Variants in SYT9 observed in about 807,000 individuals in gnomAD.
SYT9 encodes the protein synaptotagmin 9.
In SYT9, 22 loss-of-function variants were observed where a neutral mutation model predicts 48.4. The observed-to-expected ratio is 0.45, with a 90% CI of 0.32 to 0.65. The LOEUF (loss-of-function observed/expected upper bound fraction) is 0.65, where lower values mean the gene tolerates loss of function less well. Among genes scored for constraint, SYT9 ranks in the 30% least tolerant of loss-of-function variants. The pLI is 0.03. For synonymous variants in SYT9, 265 were observed against 245.0 expected (o/e 1.08, Z -0.76); for missense variants, 577 against 622.0 (o/e 0.93, Z 0.77).
intron 1 of SYT9, among the ~76,000 whole-genome samples, chr11:7,240,194 C>G (rs1003342331): frequency 7.9e-5 from 12 of 152,256 alleles, no homozygotes; most frequent in African/African-American, 2.9e-4. Flanking sequence ...AAGTGGTGAG[C>G]TGTTGTCCAG....
At chr11:7,367,080 T>TC in intron 3 of SYT9, among the ~76,000 whole-genome samples, 1 of 88,346 alleles carries the variant, frequency 1.1e-5, no homozygotes, top group African/African-American at 3.8e-5. Context: ...ATCTTTTTTT[T>TC]TTTTTTTTTT....
chr11:7,334,763 C>T (rs990805822), intron 3 of SYT9, among the ~76,000 whole-genome samples: 1 of 135,442 alleles, frequency 7.4e-6, no homozygotes, highest in Non-Finnish European at 1.6e-5. Context: ...TTACTTCTTT[C>T]AATCAGAATA....
intron 6 of SYT9, chr11:7,435,215 T>C (rs1847678629): frequency 6.6e-6 from 1 of 152,260 alleles, no homozygotes; most frequent in Non-Finnish European, 1.5e-5. Flanking sequence ...AAAGAGTTAA[T>C]AGCAAAGGCC....
At chr11:7,368,862 A>G (rs1399658848) in intron 3 of SYT9, among the ~76,000 whole-genome samples, 1 of 151,954 alleles carries the variant, frequency 6.6e-6, no homozygotes, top group African/African-American at 2.4e-5. Context: ...AATGTGCCAC[A>G]TTTTTTTATC....
rs1465580572 is a variant in SYT9, at chr11:7,268,909, A to G, written c.145+16578A>G. On this transcript the variant is annotated intron_variant, in intron 1 of 6. Coordinates refer to ENST00000318881, the MANE Select transcript of SYT9 (RefSeq NM_175733.4). ...CTGTTAATCCCTGCCTCAGGAGACT[A>G]CTAATCTACTTTCTGTCTCTATTAA... Among the ~76,000 whole-genome samples, 4 of 152,170 alleles carry G rather than the reference A, an allele frequency of 2.6e-5. No homozygotes were observed. In the East Asian group the frequency reaches 7.7e-4, roughly 29 times the overall value.
chr11:7,299,894 G>A (rs1051394573), intron 1 of SYT9, among the ~76,000 whole-genome samples: 4 of 152,152 alleles, frequency 2.6e-5, no homozygotes, highest in Non-Finnish European at 5.9e-5. Context: ...AATTTACTTA[G>A]CATGCTATCT....
chr11:7,277,226 A>G (rs757059019), intron 1 of SYT9, among the ~76,000 whole-genome samples: 1 of 152,242 alleles, frequency 6.6e-6, no homozygotes, highest in Non-Finnish European at 1.5e-5. Flanking sequence ...AAACGTTTGA[A>G]TAAATGAAAG....
intron 3 of SYT9, among the ~76,000 whole-genome samples, chr11:7,402,858 A>G (rs1316613405): frequency 6.6e-6 from 1 of 152,236 alleles, no homozygotes; most frequent in East Asian, 1.9e-4. Flanking sequence ...TGCCTTTTCT[A>G]ATTCTAATTG....
chr11:7,411,720 G>A (rs764826037), intron 3 of SYT9, among the ~76,000 whole-genome samples: 4 of 152,128 alleles, frequency 2.6e-5, no homozygotes, highest in Non-Finnish European at 4.4e-5. Context: ...CTGTATTTGT[G>A]TGGGGTTCTC....
intron 1 of SYT9, among the ~76,000 whole-genome samples, chr11:7,276,659 A>G (rs1329511747): frequency 6.6e-6 from 1 of 151,836 alleles, no homozygotes; most frequent in African/African-American, 2.4e-5. Context: ...CTCCTGGTGG[A>G]TTCTCCCTCA....
At chr11:7,277,811 T>G (rs1338268561) in intron 1 of SYT9, among the ~76,000 whole-genome samples, 1 of 152,220 alleles carries the variant, frequency 6.6e-6, no homozygotes, top group Admixed American at 6.5e-5. Flanking sequence ...GTTGAACAAT[T>G]CTATCACAGT....
At chr11:7,364,341 A>G (rs1850202030) in intron 3 of SYT9, among the ~76,000 whole-genome samples, 1 of 152,334 alleles carries the variant, frequency 6.6e-6, no homozygotes, top group East Asian at 1.9e-4. Flanking sequence ...CTGATGATGA[A>G]TAAAGGTCAG....
chr11:7,454,295 T>A, intron 6 of SYT9: 1 of 985,374 alleles, frequency 1.0e-6, no homozygotes, highest in Non-Finnish European at 1.2e-6. Flanking sequence ...TGGTCTTTTT[T>A]GCATCTCATG....
At chr11:7,276,032 A>G (rs1848383623) in intron 1 of SYT9, among the ~76,000 whole-genome samples, 1 of 152,112 alleles carries the variant, frequency 6.6e-6, no homozygotes, top group Admixed American at 6.5e-5. Context: ...GTTTGAGCCA[A>G]TTTCTGGTGT....
At chr11:7,446,968 C>G (rs1847945225) in intron 6 of SYT9, among the ~76,000 whole-genome samples, 1 of 152,238 alleles carries the variant, frequency 6.6e-6, no homozygotes, top group African/African-American at 2.4e-5. Flanking sequence ...GGCTGTCCAC[C>G]TCAGGGCCCA....
intron 1 of SYT9, among the ~76,000 whole-genome samples, chr11:7,267,255 A>G (rs954060971): frequency 6.6e-6 from 1 of 152,060 alleles, no homozygotes; most frequent in Non-Finnish European, 1.5e-5. Flanking sequence ...TACATCAACT[A>G]GACTAAATAC....
At chr11:7,267,215 G>A (rs909483505) in intron 1 of SYT9, among the ~76,000 whole-genome samples, 2 of 151,906 alleles carry the variant, frequency 1.3e-5, no homozygotes, top group South Asian at 4.2e-4. Flanking sequence ...TTAGAATTAT[G>A]TTGGAGACTA....
At chr11:7,341,281 G>A (rs762797367) in intron 3 of SYT9, among the ~76,000 whole-genome samples, 12 of 152,130 alleles carry the variant, frequency 7.9e-5, no homozygotes, top group Admixed American at 1.3e-4. Flanking sequence ...GGATGTAAGG[G>A]CTACTGGAAG....
intron 3 of SYT9, among the ~76,000 whole-genome samples, chr11:7,383,674 T>G (rs1850606530): frequency 6.7e-6 from 1 of 149,114 alleles, no homozygotes; most frequent in Non-Finnish European, 1.5e-5. Context: ...CATTTTCTCA[T>G]TTAGCCTTTT....
Sources: allele counts gnomAD v4.1 joint callset (sites outside exome capture counted in the v4.1 genomes callset), GRCh38; gene constraint gnomAD v4.1.1; transcripts MANE v1.5; gene names NCBI Gene and HGNC (gene_info 2026-07-23, HGNC 2026-07-21).